The following MICAL3 variants were observed in gnomAD, a reference collection of about 807,000 sequenced individuals.
MICAL3 encodes microtubule associated monooxygenase, calponin and LIM domain containing 3.
A neutral mutation model predicts 207.4 loss-of-function variants in MICAL3; 62 were observed. The observed-to-expected ratio is 0.30, with a 90% CI of 0.24 to 0.37. The LOEUF is 0.37. MICAL3 is among the 10% of genes least tolerant of loss of function. MICAL3 has a pLI of 1.00. For missense variants in MICAL3, 2,368 were observed against 2,635.6 expected, an observed-to-expected ratio of 0.90 and a Z score of 2.22; for synonymous variants, 1,077 against 1,069.3, an observed-to-expected ratio of 1.01 and a Z score of -0.14.
chr22:17,835,464 A>G lies in MICAL3; in HGVS notation c.2802-3357T>C, dbSNP rs376832070. 3.3e-4 allele frequency among the ~76,000 whole-genome samples: 50 copies of G among 152,362 alleles called. No homozygotes were observed. The South Asian group carries it at 9.3e-3, about 28-fold the overall frequency. ...ACTAGGGCAGTCTCTGGGTTGGCCC[A>G]GGTCCTGTGCGTCACACACAAGATT... On this transcript the variant is annotated intron_variant, in intron 20 of 31. Transcript: ENST00000441493.
Position 17,900,803 on chromosome 22 carries a change from A to C in MICAL3, c.847+39T>G. 6.2e-7 allele frequency: 1 copy of C among 1,603,234 alleles called. No homozygotes were observed. The highest frequency in any genetic ancestry group is 1.7e-4 in the Middle Eastern group (1 of 6,024). ...AAGAAAAAGCCACCAGGGACTATTT[A>C]AGTTTCTATCCTAGGGCTCCGGAGA... On this transcript the variant is annotated intron_variant, in intron 6 of 31. Coordinates refer to ENST00000441493, the MANE Select transcript of MICAL3 (RefSeq NM_015241.3). This position sits in a 1 kb window ranked among gnomAD's most constrained non-coding sequence, Gnocchi z 4.0.
Position 17,887,350 on chromosome 22 carries a change from C to T in MICAL3, c.1977G>A (p.Gln659=). Residue 659 remains glutamine, a synonymous_variant, in exon 14 of 32, where the codon CAG becomes CAA. Transcript: ENST00000441493. ...SPISFLSKLG[Q]TISRKRSPKD... is the part of the protein sequence containing the mutation. ...TGGGAGAACGCTTCCGAGAGATGGT[C>T]TGGCCAAGTTTGCTTAGGAAGGAGA... The T allele has an allele frequency of 1.2e-6, 2 of 1,613,992 alleles. No homozygotes were observed. Among genetic ancestry groups the T allele is most frequent in the Non-Finnish European group, 1.7e-6 (2 of 1,179,860 alleles).
intron 22 of MICAL3, among the ~76,000 whole-genome samples, chr22:17,825,044 C>T (rs879892883): frequency 1.3e-5 from 2 of 152,104 alleles, no homozygotes. Context: ...CTCTTGCTGG[C>T]GAGGGAACTG....
chr22:17,863,521 T>C, intron 19 of MICAL3: 3 of 985,458 alleles, frequency 3.0e-6, no homozygotes, highest in Non-Finnish European at 3.6e-6. Flanking sequence ...TATAAAGATC[T>C]TCAAGATTGT....
At chr22:17,865,802 C>A in intron 18 of MICAL3, 122 bp downstream of exon 18, 1 of 764,200 alleles carries the variant, frequency 1.3e-6, no homozygotes, top group South Asian at 1.5e-5. Flanking sequence ...CATTTCGGGC[C>A]CTCCCCGTTC....
chr22:18,006,843 C>CA (rs773621775), intron 1 of MICAL3, among the ~76,000 whole-genome samples: 5 of 151,672 alleles, frequency 3.3e-5, no homozygotes, highest in African/African-American at 2.4e-5. Flanking sequence ...CACACACACA[C>CA]ACAAAAAAAT....
intron 20 of MICAL3, among the ~76,000 whole-genome samples, chr22:17,832,622 T>C (rs898655812): frequency 6.6e-6 from 1 of 152,146 alleles, no homozygotes; most frequent in African/African-American, 2.4e-5. Context: ...TATAAACCCA[T>C]GACCCTGGGA....
At chr22:18,012,457 G>A (rs1923804666) in intron 1 of MICAL3, among the ~76,000 whole-genome samples, 1 of 152,146 alleles carries the variant, frequency 6.6e-6, no homozygotes, top group African/African-American at 2.4e-5. Context: ...GGGCCAGACA[G>A]TGCTGAGACC....
At position 17,791,004 on chromosome 22, in the gene MICAL3, C is replaced by G; in HGVS notation, c.5818G>C (p.Val1940Leu). The change falls in exon 31 of 32, where the codon GTG becomes CTG. Residue 1940 changes from valine (V) to leucine (L), a missense_variant. Physicochemically the swap from Val to Leu is conservative, Grantham distance 32. Transcript: ENST00000441493. Reference sequence around the variant, plus strand: ...GGTGCCTTACCCCACTCACCTTCCACTGCCATGCGTTCCCGGAGCTCCTGC... The same window carrying G: ...GGTGCCTTACCCCACTCACCTTCCAGTGCCATGCGTTCCCGGAGCTCCTGC... ...LQQELRERMA[V>L]EDHLKTEEEL... is the part of the protein sequence containing the mutation. The G allele has an allele frequency of 6.2e-7, 1 of 1,612,584 alleles. No individual in the cohort carries two copies. Among genetic ancestry groups the G allele is most frequent in the Non-Finnish European group, 8.5e-7 (1 of 1,179,828 alleles).
chr22:17,906,443 C>T, intron 2 of MICAL3, 106 bp downstream of exon 2: 1 of 1,602,844 alleles, frequency 6.2e-7, no homozygotes, highest in Non-Finnish European at 8.5e-7. Flanking sequence ...TTCTTGGCAC[C>T]CAGACCTTGT....
At position 17,818,244 on chromosome 22, in the gene MICAL3, G is replaced by C. The variant is rs375690426; in HGVS notation, c.4417C>G (p.Arg1473Gly). 2.1e-6 allele frequency: 3 copies of C among 1,404,428 alleles called. No homozygotes were observed. Among genetic ancestry groups the C allele is most frequent in the Admixed American group, 4.3e-5 (2 of 46,396 alleles). 87.0% of individuals were successfully genotyped at this position (1,404,428 alleles called of 1,614,324 possible). ...GGCTCGGCCTCCCTGAGCTTCCTCC[G>C]CAAGGTGGCGGGCTCCTCGCCCGGG... Reference protein sequence around the residue: ...PPPGEEPATLRRKLREAEPNA... With the variant: ...PPPGEEPATLGRKLREAEPNA... Residue 1473 changes from arginine (R) to glycine (G), a missense_variant, in exon 26 of 32, where the codon CGG (arginine) becomes GGG (glycine). By Grantham distance (125) the Arg-to-Gly change is moderately radical (BLOSUM62 -2). Coordinates refer to ENST00000441493, the MANE Select transcript of MICAL3 (RefSeq NM_015241.3).
intron 1 of MICAL3, among the ~76,000 whole-genome samples, chr22:17,957,294 C>T (rs1021469959): frequency 1.3e-5 from 2 of 152,228 alleles, no homozygotes; most frequent in African/African-American, 4.8e-5. Context: ...CAGCTGGCTA[C>T]ACTGGCTCTG....
At chr22:17,888,857 A>G (rs1930152776) in intron 13 of MICAL3, among the ~76,000 whole-genome samples, 177 bp downstream of exon 13, 1 of 152,244 alleles carries the variant, frequency 6.6e-6, no homozygotes, top group African/African-American at 2.4e-5. Context: ...ACACACTACT[A>G]GAGAAGGGAG....
chr22:17,863,531 T>C lies in MICAL3; in HGVS notation c.2605+1368A>G, dbSNP rs968723152. On this transcript the variant is annotated intron_variant, in intron 19 of 31. Coordinates refer to ENST00000441493, the MANE Select transcript of MICAL3 (RefSeq NM_015241.3). ...TGGATTATAAAGATCTTCAAGATTG[T>C]AGAAGGTTTAAAAGTCATTAATGGT... 14 of 985,354 alleles carry C rather than the reference T, an allele frequency of 1.4e-5. No homozygotes were observed. In the African/African-American group the frequency reaches 2.3e-4, roughly 16 times the overall value. 61.0% of individuals were successfully genotyped at this position (985,354 alleles called of 1,614,324 possible). A position where few individuals can be genotyped will look rare whatever the true frequency, so the allele number is the denominator to read the frequency against.
At chr22:17,847,763 G>A (rs907084361) in intron 19 of MICAL3, among the ~76,000 whole-genome samples, 2 of 152,192 alleles carry the variant, frequency 1.3e-5, no homozygotes, top group Non-Finnish European at 2.9e-5. Flanking sequence ...TTTACCAGGC[G>A]GTACTGGGTA....
intron 1 of MICAL3, among the ~76,000 whole-genome samples, chr22:17,956,851 C>T (rs1186934600): frequency 1.3e-5 from 2 of 152,174 alleles, no homozygotes; most frequent in African/African-American, 4.8e-5. Context: ...AGAAAGATTT[C>T]CTTCTTAGTA....
chr22:17,863,263 G>A lies in MICAL3; in HGVS notation c.2605+1636C>T, dbSNP rs138302286. Reference sequence around the variant, plus strand: ...TAAAAAATGTTCTGTACTCCAAACCGAAATGGAAAGTTTAGTTTCTTTTGA... The same window carrying A: ...TAAAAAATGTTCTGTACTCCAAACCAAAATGGAAAGTTTAGTTTCTTTTGA... On this transcript the variant is annotated intron_variant, in intron 19 of 31. Coordinates refer to ENST00000441493, the MANE Select transcript of MICAL3 (RefSeq NM_015241.3). The A allele has an allele frequency of 2.9e-3, 2,842 of 985,336 alleles. 6 individuals carry two copies. The highest frequency in any genetic ancestry group is 8.4e-3 in the Middle Eastern group (16 of 1,914). The allele number at this position is 985,336 out of a possible 1,614,324, so 61.0% of individuals were successfully genotyped here.
chr22:17,869,348 G>A (rs889546696), intron 17 of MICAL3, among the ~76,000 whole-genome samples: 1 of 152,092 alleles, frequency 6.6e-6, no homozygotes, highest in Non-Finnish European at 1.5e-5. Context: ...TGGTCCAAGT[G>A]GAAGATGCAT....
At chr22:17,817,007 G>A (rs1921063656) in intron 26 of MICAL3, among the ~76,000 whole-genome samples, 1 of 150,702 alleles carries the variant, frequency 6.6e-6, no homozygotes, top group African/African-American at 2.5e-5. Context: ...GGCCTGCCCA[G>A]CCCCTCCTGG....
Sources: gnomAD v4.1 joint callset for allele counts (sites outside exome capture counted in the v4.1 genomes callset) on GRCh38, gnomAD v4.1.1 for gene constraint, Gnocchi (gnomAD v3.1) non-coding constraint, MANE v1.5 for transcripts, NCBI Gene and HGNC (gene_info 2026-07-23, HGNC 2026-07-21) for gene names.